Variants in EYS observed in about 807,000 individuals in gnomAD.
EYS encodes protein eyes shut homolog.
Under a neutral mutation model 282.1 loss-of-function variants are expected in EYS, and 250 were observed. That is an observed-to-expected ratio of 0.89 (90% CI 0.80 to 0.98). EYS has a LOEUF of 0.98. Ranked by LOEUF, EYS falls within the 50% of genes least tolerant of loss-of-function variation. The pLI is 0.00. For synonymous variants in EYS, 1,355 were observed against 1,282.9 expected, an observed-to-expected ratio of 1.06 and a Z score of -1.20; for missense variants, 4,016 against 3,709.0, an observed-to-expected ratio of 1.08 and a Z score of -2.15.
intron 13 of EYS, among the ~76,000 whole-genome samples, chr6:65,053,004 T>C (rs1773317414): frequency 6.6e-6 from 1 of 151,836 alleles, no homozygotes; most frequent in Admixed American, 6.6e-5. Flanking sequence ...AAAGCTATGC[T>C]ATTTTTGGAG....
At chr6:65,604,018 A>G (rs139384694) in intron 2 of EYS, among the ~76,000 whole-genome samples, 12 of 151,808 alleles carry the variant, frequency 7.9e-5, no homozygotes, top group Non-Finnish European at 1.6e-4. Context: ...TTATATGTGA[A>G]TTATTTTCAA....
intron 28 of EYS, among the ~76,000 whole-genome samples, chr6:64,416,229 T>C (rs953323022): frequency 6.6e-6 from 1 of 152,214 alleles, no homozygotes. Flanking sequence ...GCTTGTATGA[T>C]CATTACTTAG....
At chr6:65,182,681 TA>T (rs1372634278) in intron 12 of EYS, among the ~76,000 whole-genome samples, 2 of 152,086 alleles carry the variant, frequency 1.3e-5, no homozygotes, top group Admixed American at 6.6e-5. Context: ...AGTAGATATA[TA>T]ATTTTTTATA....
chr6:64,817,389 A>C (rs985114233), intron 21 of EYS, among the ~76,000 whole-genome samples: 10 of 152,188 alleles, frequency 6.6e-5, no homozygotes, highest in Admixed American at 4.6e-4. Context: ...AGAAAAATAT[A>C]CATGATATAC....
At chr6:65,489,307 T>C (rs923366234) in intron 5 of EYS, 34 of 152,284 alleles carry the variant, frequency 2.2e-4, no homozygotes, top group African/African-American at 7.9e-4. Flanking sequence ...CATCAAAAAA[T>C]GGGCGAAGGA....
chr6:64,027,165 C>A (rs1234676405), intron 33 of EYS, among the ~76,000 whole-genome samples: 2 of 152,096 alleles, frequency 1.3e-5, no homozygotes, highest in South Asian at 2.1e-4. Flanking sequence ...CCCACTGGGA[C>A]CTTGACTCAG....
chr6:64,066,356 A>T lies in EYS; in HGVS notation c.6707T>A (p.Phe2236Tyr), dbSNP rs1255979882. 5 of 1,551,678 alleles carry T rather than the reference A, an allele frequency of 3.2e-6. No individual in the cohort carries two copies. Among genetic ancestry groups the T allele is most frequent in the Non-Finnish European group, 2.6e-6 (3 of 1,146,894 alleles). Residue 2236 changes from phenylalanine to tyrosine, a missense_variant, in exon 33 of 43, where the codon TTC becomes TAC. Transcript: ENST00000503581. ...SANYSINTNA[F>Y]TPITIRYTTP... ...TACTTACCGTATTGTGATAGGGGTGAATGCATTTGTGTTAATGCTGTAATT... is the reference window on the plus strand; with the variant it reads ...TACTTACCGTATTGTGATAGGGGTGTATGCATTTGTGTTAATGCTGTAATT...
chr6:65,295,735 C>A, intron 12 of EYS, 128 bp downstream of exon 12: 1 of 878,312 alleles, frequency 1.1e-6, no homozygotes. Flanking sequence ...TTTACTTTGC[C>A]AAATAAGAAA....
chr6:63,726,626 AAAG>A lies in EYS; in HGVS notation c.8123_8125del (p.Ser2708del), dbSNP rs961817248. The A allele has an allele frequency of 6.4e-6, 10 of 1,551,244 alleles. No homozygotes were observed. Among genetic ancestry groups the A allele is most frequent in the African/African-American group, 1.4e-5 (1 of 73,028 alleles). On this transcript the variant is annotated inframe_deletion, in exon 42 of 43. Coordinates refer to ENST00000503581, the MANE Select transcript of EYS (RefSeq NM_001142800.2). ...CTTTTTTCGAACATGAAAGGAAGCA[AAAG>A]ACATCCAGGATAACTCATTGCTTCT...
At chr6:65,317,839 T>C (rs1229742744) in intron 11 of EYS, among the ~76,000 whole-genome samples, 3 of 49,294 alleles carry the variant, frequency 6.1e-5, no homozygotes, top group Non-Finnish European at 1.1e-4. Context: ...TCTTTCTTTC[T>C]TTCTTTCTTT....
chr6:64,110,738 A>G (rs948998532), intron 31 of EYS, among the ~76,000 whole-genome samples: 1 of 152,002 alleles, frequency 6.6e-6, no homozygotes, highest in Non-Finnish European at 1.5e-5. Context: ...TGATATTAGG[A>G]CCTAAGGAAC....
At chr6:65,286,197 T>C (rs1255888513) in intron 12 of EYS, among the ~76,000 whole-genome samples, 1 of 151,940 alleles carries the variant, frequency 6.6e-6, no homozygotes, top group Non-Finnish European at 1.5e-5. Flanking sequence ...ATTTCTCAGT[T>C]GCTTGATAAT....
At chr6:64,745,722 GA>G (rs2149964879) in intron 22 of EYS, among the ~76,000 whole-genome samples, 1 of 152,228 alleles carries the variant, frequency 6.6e-6, no homozygotes, top group East Asian at 1.9e-4. Context: ...TCCAGAAGGG[GA>G]AAATTTCTTA....
chr6:64,407,078 G>T (rs1773740523), intron 28 of EYS, among the ~76,000 whole-genome samples: 1 of 152,174 alleles, frequency 6.6e-6, no homozygotes, highest in African/African-American at 2.4e-5. Flanking sequence ...AATGGATAAA[G>T]AAAATGTGGC....
intron 26 of EYS, among the ~76,000 whole-genome samples, chr6:64,549,871 T>C (rs890475328): frequency 6.6e-6 from 1 of 152,100 alleles, no homozygotes; most frequent in African/African-American, 2.4e-5. Flanking sequence ...TATCTCCTAA[T>C]GCTATCCCTC....
rs569430544 is a variant in EYS at position 65,054,455 on chromosome 6, T to C, written c.2137+3159A>G. Among the ~76,000 whole-genome samples, 4 of 152,136 alleles carry C rather than the reference T, an allele frequency of 2.6e-5. No homozygotes were observed. In the East Asian group the frequency reaches 7.8e-4, roughly 30 times the overall value. ...CCACATTGCAAGATAAAAACTACTA[T>C]TGATTTTCTGTTGGTCAGAATTCAT... On this transcript the variant is annotated intron_variant, in intron 13 of 42. Coordinates refer to ENST00000503581, the MANE Select transcript of EYS (RefSeq NM_001142800.2).
intron 12 of EYS, among the ~76,000 whole-genome samples, chr6:65,201,755 T>A (rs1582011744): frequency 6.6e-6 from 1 of 152,224 alleles, no homozygotes; most frequent in South Asian, 2.1e-4. Flanking sequence ...CCAGAACAGA[T>A]GTCATTGCTT....
At chr6:64,178,542 G>A (rs1032120406) in intron 31 of EYS, among the ~76,000 whole-genome samples, 6 of 152,080 alleles carry the variant, frequency 3.9e-5, no homozygotes, top group Non-Finnish European at 5.9e-5. Flanking sequence ...ATGGAAAAGC[G>A]GGGGATGATA....
intron 13 of EYS, among the ~76,000 whole-genome samples, chr6:65,051,726 C>G (rs1026905426): frequency 6.6e-6 from 1 of 151,372 alleles, no homozygotes; most frequent in Non-Finnish European, 1.5e-5. Context: ...CATGTTAAGC[C>G]AGGCACAAAG....
Sources: allele counts gnomAD v4.1 joint callset (sites outside exome capture counted in the v4.1 genomes callset), GRCh38; gene constraint gnomAD v4.1.1; transcripts MANE v1.5; gene names NCBI Gene and HGNC (gene_info 2026-07-23, HGNC 2026-07-21).